Variants in CDH5 observed in about 807,000 individuals in gnomAD.
CDH5 encodes the protein cadherin-5.
Under a neutral mutation model 62.0 loss-of-function variants are expected in CDH5, and 28 were observed. The observed-to-expected ratio is 0.45, with a 90% CI of 0.33 to 0.62. The LOEUF (loss-of-function observed/expected upper bound fraction) is 0.62, where lower values mean the gene tolerates loss of function less well. CDH5 is among the 20% of genes least tolerant of loss of function. The pLI is 0.02. For synonymous variants in CDH5, 464 were observed against 445.8 expected, an observed-to-expected ratio of 1.04 and a Z score of -0.52; for missense variants, 940 against 1,065.1, an observed-to-expected ratio of 0.88 and a Z score of 1.63.
intron 2 of CDH5, among the ~76,000 whole-genome samples, chr16:66,385,118 A>G (rs1214302149): frequency 1.3e-5 from 2 of 152,182 alleles, no homozygotes; most frequent in Non-Finnish European, 2.9e-5. Flanking sequence ...ATATTTTTTA[A>G]TTGAATAGAA....
chr16:66,370,078 G>C (rs1403659124), intron 1 of CDH5, among the ~76,000 whole-genome samples: 1 of 152,134 alleles, frequency 6.6e-6, no homozygotes, highest in African/African-American at 2.4e-5. Flanking sequence ...TTGGCTCACT[G>C]CAACCTCCAC....
chr16:66,393,528 G>T (rs1477595876), intron 7 of CDH5, among the ~76,000 whole-genome samples: 1 of 152,130 alleles, frequency 6.6e-6, no homozygotes, highest in African/African-American at 2.4e-5. Context: ...TCACTAGCTT[G>T]AGAACAGAAC....
At chr16:66,384,864 G>C (rs1960956866) in intron 2 of CDH5, among the ~76,000 whole-genome samples, 1 of 152,128 alleles carries the variant, frequency 6.6e-6, no homozygotes, top group Non-Finnish European at 1.5e-5. Flanking sequence ...TACTCAGGAG[G>C]CTGAGGCAGA....
chr16:66,392,423 C>A, intron 7 of CDH5, 40 bp downstream of exon 7: 2 of 1,609,032 alleles, frequency 1.2e-6, no homozygotes, highest in South Asian at 2.2e-5. Context: ...AAGGACAATC[C>A]GGCCTGGATG....
intron 7 of CDH5, among the ~76,000 whole-genome samples, chr16:66,393,636 A>G (rs368111339): frequency 5.3e-5 from 8 of 152,202 alleles, no homozygotes; most frequent in African/African-American, 1.2e-4. Context: ...ACATTTCAAC[A>G]TGAGATTCGG....
intron 1 of CDH5, among the ~76,000 whole-genome samples, chr16:66,370,448 A>AAAG (rs1960666901): frequency 6.6e-6 from 1 of 152,188 alleles, no homozygotes; most frequent in African/African-American, 2.4e-5. Flanking sequence ...TTATACCAAC[A>AAAG]ATTGTACCTA....
intron 2 of CDH5, among the ~76,000 whole-genome samples, chr16:66,379,823 G>T (rs540716604): frequency 6.6e-6 from 1 of 152,074 alleles, no homozygotes; most frequent in African/African-American, 2.4e-5. Context: ...GGTGGTGATG[G>T]TAGTGATGAT....
intron 3 of CDH5, among the ~76,000 whole-genome samples, chr16:66,387,563 C>T (rs1042467218): frequency 2.0e-5 from 3 of 152,238 alleles, no homozygotes; most frequent in African/African-American, 4.8e-5. Flanking sequence ...TGAGTCCTGA[C>T]CCTAGTCATA....
chr16:66,381,070 T>C (rs540801543), intron 2 of CDH5, among the ~76,000 whole-genome samples: 34 of 152,270 alleles, frequency 2.2e-4, no homozygotes, highest in Non-Finnish European at 4.0e-4. Context: ...TTTTCCCATT[T>C]GAAAGATCGG....
In CDH5 at chr16:66,403,395, C is replaced by G; in HGVS notation, c.*226C>G. On this transcript the variant is annotated 3_prime_UTR_variant, in exon 12 of 12. Coordinates refer to ENST00000341529, the MANE Select transcript of CDH5 (RefSeq NM_001795.5). This position sits in a 1 kb window ranked among gnomAD's most constrained non-coding sequence, Gnocchi z 4.3. ...ATTCTCAAATGCTGGCAAATCCAGG[C>G]TGGTGTTCTGTCTGGGCTCAGACAT... is the stretch of plus-strand genomic sequence containing the variant. The G allele has an allele frequency of 1.8e-6, 1 of 569,128 alleles. No homozygotes were observed. The highest frequency in any genetic ancestry group is 3.1e-6 in the Non-Finnish European group (1 of 318,318). 35.3% of individuals were successfully genotyped at this position (569,128 alleles called of 1,614,324 possible). A position where few individuals can be genotyped will look rare whatever the true frequency, so the allele number is the denominator to read the frequency against.
Position 66,396,103 on chromosome 16 carries a change from T to C in CDH5, c.1262T>C (p.Val421Ala). Residue 421 changes from valine (V) to alanine (A), a missense_variant, in exon 8 of 12, where the codon GTC (valine) becomes GCC (alanine). Val to Ala is a moderately conservative substitution (Grantham distance 64). Coordinates refer to ENST00000341529, the MANE Select transcript of CDH5 (RefSeq NM_001795.5). ...RTSDKGQFFR[V>A]TKKGDIYNEK... ...AGTGACAAGGGCCAGTTCTTCCGAG[T>C]CACAAAAAAGGGGGACATTTACAAT... is the stretch of plus-strand genomic sequence containing the variant. 1 of 1,613,628 alleles carries C rather than the reference T, an allele frequency of 6.2e-7. No individual in the cohort carries two copies. Among genetic ancestry groups the C allele is most frequent in the Non-Finnish European group, 8.5e-7 (1 of 1,179,900 alleles).
intron 1 of CDH5, among the ~76,000 whole-genome samples, chr16:66,374,691 C>CTT (rs749896456): frequency 2.3e-5 from 3 of 129,142 alleles, no homozygotes. Flanking sequence ...AGCCGTGCAT[C>CTT]TTTTTTTTTT....
At chr16:66,368,336 G>T (rs1321764097) in intron 1 of CDH5, among the ~76,000 whole-genome samples, 1 of 152,162 alleles carries the variant, frequency 6.6e-6, no homozygotes, top group Non-Finnish European at 1.5e-5. Context: ...GAGCTGCTGA[G>T]CCCCTGAGCA....
intron 11 of CDH5, 135 bp from the exon 12 acceptor site, chr16:66,402,517 A>C (rs1961302852): frequency 1.6e-6 from 1 of 617,760 alleles, no homozygotes. Flanking sequence ...GTTGCAGGGG[A>C]AGGGGGGGCC....
chr16:66,387,070 G>A lies in CDH5; in HGVS notation c.472G>A (p.Ala158Thr), dbSNP rs567233539. 6.0e-5 allele frequency: 97 copies of A among 1,613,890 alleles called. 1 individual carries two copies. The highest frequency in any genetic ancestry group is 5.0e-4 in the Admixed American group (30 of 60,016). Residue 158 changes from alanine (A) to threonine (T), a missense_variant, in exon 3 of 12, where the codon GCG (alanine) becomes ACG (threonine). Coordinates refer to ENST00000341529, the MANE Select transcript of CDH5 (RefSeq NM_001795.5). Reference sequence around the variant, plus strand: ...TGTGTTCACGCATCGGTTGTTCAATGCGTCCGTGCCTGAGTCGTCGGCTGT... The same window carrying A: ...TGTGTTCACGCATCGGTTGTTCAATACGTCCGTGCCTGAGTCGTCGGCTGT... Reference protein sequence around the residue: ...WPVFTHRLFNASVPESSAVGT... With the variant: ...WPVFTHRLFNTSVPESSAVGT...
intron 2 of CDH5, among the ~76,000 whole-genome samples, chr16:66,382,092 G>A (rs989882930): frequency 6.6e-6 from 1 of 152,232 alleles, no homozygotes; most frequent in Non-Finnish European, 1.5e-5. Flanking sequence ...TCCGTGGACT[G>A]GCTATAGGGC....
chr16:66,399,702 G>A (rs1211074139), intron 10 of CDH5, among the ~76,000 whole-genome samples: 1 of 152,184 alleles, frequency 6.6e-6, no homozygotes, highest in Non-Finnish European at 1.5e-5. Context: ...CTGCAATACA[G>A]TAGAAAGATT....
At chr16:66,381,929 C>T (rs556237177) in intron 2 of CDH5, among the ~76,000 whole-genome samples, 3 of 152,358 alleles carry the variant, frequency 2.0e-5, no homozygotes, top group Non-Finnish European at 4.4e-5. Context: ...ACAGTTTACC[C>T]ATCCTGGTCT....
chr16:66,369,256 A>G (rs1567458494), intron 1 of CDH5, among the ~76,000 whole-genome samples: 1 of 152,152 alleles, frequency 6.6e-6, no homozygotes, highest in Non-Finnish European at 1.5e-5. Context: ...AGGAACAGAA[A>G]GAGTAGGAGG....
Sources: gnomAD v4.1 joint callset for allele counts (sites outside exome capture counted in the v4.1 genomes callset) on GRCh38, gnomAD v4.1.1 for gene constraint, Gnocchi (gnomAD v3.1) non-coding constraint, MANE v1.5 for transcripts, NCBI Gene and HGNC (gene_info 2026-07-23, HGNC 2026-07-21) for gene names.